The following BCAS4 variants were observed in gnomAD, a reference collection of about 807,000 sequenced individuals.
BCAS4 encodes the protein breast carcinoma amplified sequence 4.
BCAS4 carries 9 observed loss-of-function variants against 15.7 expected under a neutral mutation model. The ratio of observed to expected loss-of-function variants is 0.57; its 90% CI spans 0.34 to 1.00. The LOEUF is 1.00. Ranked by LOEUF, BCAS4 falls within the 50% of genes least tolerant of loss-of-function variation. The pLI, the probability that BCAS4 is intolerant of heterozygous loss-of-function variation, is 0.02. For missense variants in BCAS4, 225 were observed against 239.1 expected (o/e 0.94, Z 0.39); for synonymous variants, 101 against 99.5 (o/e 1.02, Z -0.09).
intron 4 of BCAS4, among the ~76,000 whole-genome samples, chr20:50,872,775 T>G (rs1281335231): frequency 6.6e-6 from 1 of 152,174 alleles, no homozygotes; most frequent in Non-Finnish European, 1.5e-5. Context: ...CAAAGAGCTG[T>G]GGGTTACTCA....
chr20:50,850,632 C>G (rs115456014), intron 4 of BCAS4, among the ~76,000 whole-genome samples: 7,662 of 152,152 alleles, frequency 0.05, 404 homozygotes, highest in East Asian at 0.2. Flanking sequence ...GGGGGTTGCT[C>G]TTTGTTGAGG....
intron 4 of BCAS4, among the ~76,000 whole-genome samples, chr20:50,870,235 A>G (rs1297225450): frequency 6.6e-6 from 1 of 152,182 alleles, no homozygotes; most frequent in African/African-American, 2.4e-5. Context: ...TGACCCAAAA[A>G]CCAGGCAGGG....
chr20:50,817,493 C>T (rs926828159), intron 1 of BCAS4, among the ~76,000 whole-genome samples: 2 of 152,188 alleles, frequency 1.3e-5, no homozygotes, highest in Non-Finnish European at 2.9e-5. Flanking sequence ...GACGGAGTCT[C>T]GCTCTGTTGC....
chr20:50,811,893 G>A (rs2088068148), intron 1 of BCAS4, among the ~76,000 whole-genome samples: 1 of 152,140 alleles, frequency 6.6e-6, no homozygotes, highest in African/African-American at 2.4e-5. Flanking sequence ...AAAATGTTGG[G>A]ATTACAGGCA....
chr20:50,837,474 C>G (rs2088423736), intron 3 of BCAS4, among the ~76,000 whole-genome samples: 1 of 152,194 alleles, frequency 6.6e-6, no homozygotes, highest in Non-Finnish European at 1.5e-5. Flanking sequence ...TATTTTTAAA[C>G]AATGAGGCTT....
At chr20:50,820,893 G>A (rs1018866039) in intron 2 of BCAS4, among the ~76,000 whole-genome samples, 1 of 152,094 alleles carries the variant, frequency 6.6e-6, no homozygotes, top group East Asian at 1.9e-4. Context: ...ATAATTTGAT[G>A]TTTCTGGGGG....
At chr20:50,807,491 G>A (rs2088006311) in intron 1 of BCAS4, among the ~76,000 whole-genome samples, 1 of 152,216 alleles carries the variant, frequency 6.6e-6, no homozygotes, top group African/African-American at 2.4e-5. Flanking sequence ...ACTGCACCTG[G>A]ACTTTACGTT....
chr20:50,877,414 A>T (rs1395694928), downstream of BCAS4: 1 of 152,192 alleles, frequency 6.6e-6, no homozygotes, highest in African/African-American at 2.4e-5. Flanking sequence ...TCCCATGCAG[A>T]TGAGTTTCCT....
chr20:50,837,180 A>G (rs1431027455), intron 3 of BCAS4, among the ~76,000 whole-genome samples: 1 of 152,202 alleles, frequency 6.6e-6, no homozygotes, highest in African/African-American at 2.4e-5. Flanking sequence ...TCCTGAGTTC[A>G]CACAGGTGGG....
chr20:50,866,595 A>C (rs911317938), intron 4 of BCAS4, among the ~76,000 whole-genome samples: 1 of 152,242 alleles, frequency 6.6e-6, no homozygotes, highest in Non-Finnish European at 1.5e-5. Flanking sequence ...GATGCTGACC[A>C]AAGGTGACCC....
chr20:50,848,957 C>T (rs2088578809), intron 4 of BCAS4, among the ~76,000 whole-genome samples: 1 of 152,244 alleles, frequency 6.6e-6, no homozygotes, highest in South Asian at 2.1e-4. Context: ...TGCGGAGGGC[C>T]CCTCACATCT....
At chr20:50,819,669 A>G (rs2088189335) in intron 2 of BCAS4, among the ~76,000 whole-genome samples, 1 of 151,926 alleles carries the variant, frequency 6.6e-6, no homozygotes, top group Non-Finnish European at 1.5e-5. Flanking sequence ...TCTTGAGTCA[A>G]TTTTTACGTT....
intron 1 of BCAS4, among the ~76,000 whole-genome samples, chr20:50,809,289 A>C (rs561686990): frequency 6.6e-6 from 1 of 152,054 alleles, no homozygotes; most frequent in East Asian, 1.9e-4. Context: ...AGCTCACTGC[A>C]ACATCAACCT....
intron 4 of BCAS4, among the ~76,000 whole-genome samples, chr20:50,850,214 T>A (rs1978337873): frequency 6.6e-6 from 1 of 152,256 alleles, no homozygotes; most frequent in African/African-American, 2.4e-5. Flanking sequence ...TACGAAGGGC[T>A]TTCTGTGCCT....
intron 3 of BCAS4, among the ~76,000 whole-genome samples, chr20:50,839,215 C>A (rs940799421): frequency 6.6e-6 from 1 of 152,194 alleles, no homozygotes; most frequent in Non-Finnish European, 1.5e-5. Context: ...CACTGTAGTC[C>A]CCACCTCTGC....
chr20:50,816,209 A>T (rs1220117331), intron 1 of BCAS4, among the ~76,000 whole-genome samples: 1 of 151,918 alleles, frequency 6.6e-6, no homozygotes, highest in Non-Finnish European at 1.5e-5. Context: ...TATTTTTAGT[A>T]GAGACGGGGT....
chr20:50,812,813 A>G (rs578114624), intron 1 of BCAS4, among the ~76,000 whole-genome samples: 308 of 151,032 alleles, frequency 2.0e-3, no homozygotes, highest in Non-Finnish European at 2.0e-3. Context: ...TTTTTTATTT[A>G]TTTTTATTTT....
intron 1 of BCAS4, among the ~76,000 whole-genome samples, chr20:50,798,799 T>C (rs950486278): frequency 6.6e-6 from 1 of 152,214 alleles, no homozygotes; most frequent in Admixed American, 6.5e-5. Context: ...GAGCACATAC[T>C]GTGTGGCACC....
intron 1 of BCAS4, among the ~76,000 whole-genome samples, chr20:50,796,013 G>A (rs377504758): frequency 6.6e-6 from 1 of 152,018 alleles, no homozygotes; most frequent in South Asian, 2.1e-4. Flanking sequence ...TAGGGGACGG[G>A]GAAGAGTGAG....
Sources: gnomAD v4.1 joint callset for allele counts (sites outside exome capture counted in the v4.1 genomes callset) on GRCh38, gnomAD v4.1.1 for gene constraint, MANE v1.5 for transcripts, NCBI Gene and HGNC (gene_info 2026-07-23, HGNC 2026-07-21) for gene names.